The following PAN3 variants were observed in gnomAD, a reference collection of about 807,000 sequenced individuals.
The protein encoded by PAN3 is poly(A) specific ribonuclease subunit PAN3.
A neutral mutation model predicts 96.2 loss-of-function variants in PAN3; 19 were observed. That is an observed-to-expected ratio of 0.20 (90% confidence interval 0.14 to 0.29). The LOEUF (loss-of-function observed/expected upper bound fraction) is 0.29, where lower values mean the gene tolerates loss of function less well. Ranked by LOEUF, PAN3 falls within the 10% of genes least tolerant of loss-of-function variation. The pLI, the probability that PAN3 is intolerant of heterozygous loss-of-function variation, is 1.00. For missense variants in PAN3, 882 were observed against 1,108.1 expected (o/e 0.80, Z 2.90); for synonymous variants, 433 against 406.6 (o/e 1.06, Z -0.78).
At chr13:28,253,974 C>T (rs1459486441) in intron 6 of PAN3, among the ~76,000 whole-genome samples, 3 of 152,128 alleles carry the variant, frequency 2.0e-5, no homozygotes, top group Admixed American at 1.3e-4. Flanking sequence ...TCTCTTTCCA[C>T]GTACTCAGCC....
intron 1 of PAN3, among the ~76,000 whole-genome samples, chr13:28,143,401 C>T (rs924343708): frequency 6.6e-6 from 1 of 152,154 alleles, no homozygotes; most frequent in Non-Finnish European, 1.5e-5. Flanking sequence ...TGGCTTTAAT[C>T]TTCAAAGTGT....
intron 5 of PAN3, among the ~76,000 whole-genome samples, chr13:28,198,942 G>A (rs923912206): frequency 6.6e-6 from 1 of 152,192 alleles, no homozygotes. Context: ...ATTGCAAAAT[G>A]TAGTATTTGC....
At chr13:28,235,710 C>CACAA (rs1439894794) in intron 6 of PAN3, among the ~76,000 whole-genome samples, 1 of 150,542 alleles carries the variant, frequency 6.6e-6, no homozygotes, top group Non-Finnish European at 1.5e-5. Context: ...CACACACACA[C>CACAA]ACACACACAC....
chr13:28,209,790 C>G (rs935567077), intron 5 of PAN3, among the ~76,000 whole-genome samples: 4 of 151,852 alleles, frequency 2.6e-5, no homozygotes, highest in African/African-American at 9.7e-5. Flanking sequence ...TTTCTTTTCC[C>G]CTTCTCCTTC....
intron 5 of PAN3, among the ~76,000 whole-genome samples, chr13:28,201,854 C>T (rs942183748): frequency 1.3e-5 from 2 of 152,178 alleles, no homozygotes; most frequent in Non-Finnish European, 2.9e-5. Flanking sequence ...TTCTGTGCCT[C>T]TGATACCTTT....
chr13:28,279,612 T>C (rs1421042405), intron 15 of PAN3, among the ~76,000 whole-genome samples: 1 of 151,272 alleles, frequency 6.6e-6, no homozygotes, highest in Non-Finnish European at 1.5e-5. Context: ...AGAAAAAAAT[T>C]ATCTGGGCTT....
At chr13:28,275,625 G>A (rs76806311) in intron 14 of PAN3, among the ~76,000 whole-genome samples, 3,371 of 152,246 alleles carry the variant, frequency 0.022, 41 homozygotes, top group Non-Finnish European at 0.036. Flanking sequence ...GTAATTTCAT[G>A]AATATAACTT....
Position 28,177,955 on chromosome 13 carries a change from G to A in PAN3, c.690+20G>A. 6.3e-7 allele frequency: 1 copy of A among 1,576,978 alleles called. No homozygotes were observed. Among genetic ancestry groups the A allele is most frequent in the Non-Finnish European group, 8.7e-7 (1 of 1,146,976 alleles). The stretch of plus-strand genomic sequence containing the variant: ...CGAAAGGTAGGTGAAATTGAAACTT[G>A]AATTAAACTAAATGGAATTTAGAAG... On this transcript the variant is annotated intron_variant, in intron 4 of 18. Transcript: ENST00000380958.
At chr13:28,257,890 G>A (rs1885348852) in intron 7 of PAN3, among the ~76,000 whole-genome samples, 1 of 150,684 alleles carries the variant, frequency 6.6e-6, no homozygotes, top group South Asian at 2.1e-4. Flanking sequence ...TTTGTTCACT[G>A]CAGCCTCCGC....
chr13:28,169,633 C>T (rs1162502704), intron 1 of PAN3, among the ~76,000 whole-genome samples: 3 of 152,110 alleles, frequency 2.0e-5, no homozygotes, highest in Admixed American at 1.3e-4. Flanking sequence ...GATGGAATAA[C>T]GTATCATTGG....
At chr13:28,169,125 T>C (rs546681956) in intron 1 of PAN3, among the ~76,000 whole-genome samples, 3 of 152,088 alleles carry the variant, frequency 2.0e-5, no homozygotes, top group Non-Finnish European at 2.9e-5. Context: ...TTCTTGATGA[T>C]ATATTCTTGG....
chr13:28,256,769 T>C (rs1279232872), intron 7 of PAN3, among the ~76,000 whole-genome samples: 1 of 152,244 alleles, frequency 6.6e-6, no homozygotes, highest in Non-Finnish European at 1.5e-5. Flanking sequence ...GAAATTAGAT[T>C]ATATCCATGC....
intron 17 of PAN3, among the ~76,000 whole-genome samples, chr13:28,283,877 G>C (rs933400905): frequency 2.6e-5 from 4 of 152,124 alleles, no homozygotes; most frequent in Non-Finnish European, 4.4e-5. Flanking sequence ...TATGCTATGT[G>C]TCTCCTCATA....
chr13:28,238,866 TTTG>T (rs1883342004), intron 6 of PAN3, among the ~76,000 whole-genome samples: 2 of 152,126 alleles, frequency 1.3e-5, no homozygotes, highest in African/African-American at 4.8e-5. Flanking sequence ...GTTCCCTTGT[TTTG>T]TTATGGCATA....
At chr13:28,253,264 G>C (rs1343291713) in intron 6 of PAN3, among the ~76,000 whole-genome samples, 4 of 152,016 alleles carry the variant, frequency 2.6e-5, no homozygotes, top group Admixed American at 2.6e-4. Context: ...TAAACTACTT[G>C]TTCCTGTAGT....
At chr13:28,165,305 A>G (rs1185732394) in intron 1 of PAN3, among the ~76,000 whole-genome samples, 1 of 121,350 alleles carries the variant, frequency 8.2e-6, no homozygotes, top group Non-Finnish European at 1.7e-5. Context: ...TTTTTTGTAG[A>G]GATGGGGGTC....
At chr13:28,175,636 C>T (rs74373772) in intron 2 of PAN3, among the ~76,000 whole-genome samples, 13 of 152,164 alleles carry the variant, frequency 8.5e-5, no homozygotes, top group African/African-American at 2.4e-4. Context: ...TAACTTATTT[C>T]GTGTAGATAT....
At chr13:28,258,409 AAG>A (rs766320086) in intron 7 of PAN3, among the ~76,000 whole-genome samples, 2 of 152,222 alleles carry the variant, frequency 1.3e-5, no homozygotes, top group Non-Finnish European at 2.9e-5. Flanking sequence ...AAGAGTGATA[AAG>A]AGAACAAAGG....
At chr13:28,183,844 A>T (rs1172465749) in intron 4 of PAN3, among the ~76,000 whole-genome samples, 1 of 152,162 alleles carries the variant, frequency 6.6e-6, no homozygotes, top group East Asian at 1.9e-4. Context: ...TGTTTTCAGG[A>T]CTAAATGGGA....
Sources: allele counts gnomAD v4.1 joint callset (sites outside exome capture counted in the v4.1 genomes callset), GRCh38; gene constraint gnomAD v4.1.1; transcripts MANE v1.5; gene names NCBI Gene and HGNC (gene_info 2026-07-23, HGNC 2026-07-21).